The following SLC25A13 variants were observed in gnomAD, a reference collection of about 807,000 sequenced individuals.
SLC25A13 encodes the protein electrogenic aspartate/glutamate antiporter SLC25A13, mitochondrial.
A neutral mutation model predicts 85.5 loss-of-function variants in SLC25A13; 70 were observed. The ratio of observed to expected loss-of-function variants is 0.82; its 90% confidence interval spans 0.68 to 1.00. The LOEUF (loss-of-function observed/expected upper bound fraction) is 1.00, where lower values mean the gene tolerates loss of function less well. Among genes scored for constraint, SLC25A13 ranks in the 50% least tolerant of loss-of-function variants. The pLI is 0.00. For synonymous variants in SLC25A13, 259 were observed against 288.7 expected (o/e 0.90, Z 1.04); for missense variants, 765 against 819.8 (o/e 0.93, Z 0.82).
chr7:96,142,056 A>C lies in SLC25A13; in HGVS notation c.1452+4500T>G, dbSNP rs1792587803. ...TAAAATGAGGAAAGAGCTTTAAGATATATTGTGTTTGAAAAGATTCTATTT... is the reference window on the plus strand; with the variant it reads ...TAAAATGAGGAAAGAGCTTTAAGATCTATTGTGTTTGAAAAGATTCTATTT... On this transcript the variant is annotated intron_variant, in intron 14 of 17. Transcript: ENST00000265631. Among the ~76,000 whole-genome samples the C allele has an allele frequency of 2.0e-5, 3 of 152,366 alleles. 1 individual carries two copies. The South Asian group carries it at 6.2e-4, about 32-fold the overall frequency.
intron 5 of SLC25A13, among the ~76,000 whole-genome samples, chr7:96,199,233 C>A (rs925290023): frequency 6.6e-6 from 1 of 152,094 alleles, no homozygotes; most frequent in Non-Finnish European, 1.5e-5. Context: ...GCTTCTGGAG[C>A]CATGATGTTA....
At chr7:96,214,855 A>G (rs908571656) in intron 4 of SLC25A13, among the ~76,000 whole-genome samples, 1 of 152,214 alleles carries the variant, frequency 6.6e-6, no homozygotes, top group Non-Finnish European at 1.5e-5. Context: ...ACAAAACAGC[A>G]TTGAAAGAAA....
At chr7:96,147,739 T>C (rs530206327) in intron 13 of SLC25A13, among the ~76,000 whole-genome samples, 1 of 152,262 alleles carries the variant, frequency 6.6e-6, no homozygotes, top group South Asian at 2.1e-4. Context: ...TAAATGAACT[T>C]GAGTATGTTC....
At chr7:96,164,598 T>C (rs1793659547) in intron 13 of SLC25A13, among the ~76,000 whole-genome samples, 2 of 152,124 alleles carry the variant, frequency 1.3e-5, no homozygotes, top group South Asian at 2.1e-4. Flanking sequence ...GGTGAAGGCC[T>C]TGGGACCCCA....
rs114931332 is a variant in SLC25A13, at chr7:96,273,049, T to C, written c.212+4147A>G. Among the ~76,000 whole-genome samples the C allele has an allele frequency of 5.0e-3, 765 of 152,222 alleles. 7 individuals are homozygous for C. Among genetic ancestry groups the C allele is most frequent in the African/African-American group, 0.018 (739 of 41,526 alleles). ...CAGGTGGATGCCAGCTTCACCAACT[T>C]ATCAAACAGCATCACCAACACCTGG... is the stretch of plus-strand genomic sequence containing the variant. On this transcript the variant is annotated intron_variant, in intron 3 of 17. Transcript: ENST00000265631.
intron 3 of SLC25A13, among the ~76,000 whole-genome samples, chr7:96,258,804 AC>A (rs1172713286): frequency 6.6e-6 from 1 of 152,196 alleles, no homozygotes; most frequent in Non-Finnish European, 1.5e-5. Flanking sequence ...ATGCTACCTG[AC>A]TTCAAACTAC....
intron 13 of SLC25A13, among the ~76,000 whole-genome samples, chr7:96,161,879 A>C (rs1240125069): frequency 6.6e-6 from 1 of 152,254 alleles, no homozygotes; most frequent in Non-Finnish European, 1.5e-5. Flanking sequence ...ATTTGAAAAC[A>C]ATATAATCAC....
intron 14 of SLC25A13, among the ~76,000 whole-genome samples, chr7:96,139,646 A>G (rs1431517453): frequency 6.6e-6 from 1 of 152,196 alleles, no homozygotes; most frequent in South Asian, 2.1e-4. Flanking sequence ...ATATTTGTGA[A>G]AAGACTCAGT....
chr7:96,124,702 G>A (rs2116395953), intron 15 of SLC25A13, among the ~76,000 whole-genome samples: 1 of 152,228 alleles, frequency 6.6e-6, no homozygotes, highest in Admixed American at 6.5e-5. Context: ...TCATCTTAAA[G>A]TGTTTGTTAT....
rs1489949446 is a variant in SLC25A13, at chr7:96,184,308, T to C, written c.1146A>G (p.Leu382=). 2 of 1,614,188 alleles carry C rather than the reference T, an allele frequency of 1.2e-6. No homozygotes were observed. Among genetic ancestry groups the C allele is most frequent in the East Asian group, 2.2e-5 (1 of 44,868 alleles). ...ACAGTCCAAAGAAGCCTTCATAGCGTAGCACTTTCTTAAAACAGTCAAAGC... is the reference window on the plus strand; with the variant it reads ...ACAGTCCAAAGAAGCCTTCATAGCGCAGCACTTTCTTAAAACAGTCAAAGC... ...KNSFDCFKKV[L]RYEGFFGLYR... Residue 382 remains leucine (L), a synonymous_variant, in exon 11 of 18, where the codon CTA becomes CTG. Transcript: ENST00000265631.
intron 7 of SLC25A13, among the ~76,000 whole-genome samples, chr7:96,190,800 A>G (rs1794819423): frequency 6.6e-6 from 1 of 152,024 alleles, no homozygotes; most frequent in Non-Finnish European, 1.5e-5. Flanking sequence ...TTTAGTAGAG[A>G]CAGGGTTTCA....
At chr7:96,310,017 C>A (rs1022319864) in intron 1 of SLC25A13, among the ~76,000 whole-genome samples, 1 of 152,158 alleles carries the variant, frequency 6.6e-6, no homozygotes, top group Admixed American at 6.5e-5. Context: ...CATCTACAAG[C>A]CAAGGAGAGA....
intron 14 of SLC25A13, among the ~76,000 whole-genome samples, chr7:96,142,363 T>C (rs1792601583): frequency 6.6e-6 from 1 of 152,202 alleles, no homozygotes; most frequent in African/African-American, 2.4e-5. Context: ...GATATCTGGT[T>C]TTCTGTTTCT....
chr7:96,202,089 A>G (rs1038292348), intron 5 of SLC25A13, among the ~76,000 whole-genome samples: 10 of 152,200 alleles, frequency 6.6e-5, no homozygotes, highest in Non-Finnish European at 1.0e-4. Context: ...GCTGACCAAG[A>G]AGCCAAAATA....
At chr7:96,126,469 C>A (rs1791730945) in intron 15 of SLC25A13, among the ~76,000 whole-genome samples, 1 of 152,092 alleles carries the variant, frequency 6.6e-6, no homozygotes, top group Non-Finnish European at 1.5e-5. Flanking sequence ...ACAACTGTCT[C>A]CTGAAGCTCC....
intron 11 of SLC25A13, among the ~76,000 whole-genome samples, chr7:96,173,178 A>G (rs1794079783): frequency 6.6e-6 from 1 of 152,260 alleles, no homozygotes; most frequent in African/African-American, 2.4e-5. Flanking sequence ...TTTTCATGGA[A>G]AAATGGGAGG....
At chr7:96,264,973 T>C (rs918394834) in intron 3 of SLC25A13, among the ~76,000 whole-genome samples, 1 of 152,240 alleles carries the variant, frequency 6.6e-6, no homozygotes, top group Non-Finnish European at 1.5e-5. Context: ...TATGTTGTTT[T>C]GGTTGAAGAA....
intron 2 of SLC25A13, among the ~76,000 whole-genome samples, chr7:96,281,306 G>A (rs369967028): frequency 2.0e-5 from 3 of 150,434 alleles, no homozygotes; most frequent in South Asian, 2.1e-4. Flanking sequence ...CAGGAGAATC[G>A]CTTGAACCCG....
In SLC25A13 at chr7:96,120,837, TGCCTTACAGTA is replaced by T; in HGVS notation, c.*343_*353del. ...GAAACACTGCTCTGAGCACCATGAT[TGCCTTACAGTA>T]GCCTCTTTGGGACTACAATCCTAGT... is the stretch of plus-strand genomic sequence containing the variant. On this transcript the variant is annotated 3_prime_UTR_variant, in exon 18 of 18. Transcript: ENST00000265631. 2 of 470,590 alleles carry T rather than the reference TGCCTTACAGTA, an allele frequency of 4.2e-6. No homozygotes were observed. The highest frequency in any genetic ancestry group is 3.1e-5 in the South Asian group (2 of 64,622). 29.2% of individuals were successfully genotyped at this position (470,590 alleles called of 1,614,324 possible). A position where few individuals can be genotyped will look rare whatever the true frequency, so the allele number is the denominator to read the frequency against.
Sources: gnomAD v4.1 joint callset for allele counts (sites outside exome capture counted in the v4.1 genomes callset) on GRCh38, gnomAD v4.1.1 for gene constraint, MANE v1.5 for transcripts, NCBI Gene and HGNC (gene_info 2026-07-23, HGNC 2026-07-21) for gene names.